METTL6: variants seen among roughly 807,000 people sequenced by gnomAD.
The protein encoded by METTL6 is methyltransferase 6, tRNA N3-cytidine.
A neutral mutation model predicts 26.4 loss-of-function variants in METTL6; 22 were observed. The observed-to-expected ratio is 0.83, with a 90% confidence interval of 0.59 to 1.19. METTL6 has a LOEUF of 1.19. Ranked by LOEUF, METTL6 falls within the 50% of genes most tolerant of loss-of-function variation. The pLI is 0.00. For synonymous variants in METTL6, 109 were observed against 116.2 expected (o/e 0.94, Z 0.40); for missense variants, 304 against 324.8 (o/e 0.94, Z 0.49).
downstream of METTL6, among the ~76,000 whole-genome samples, chr3:15,406,396 G>A (rs1223204096): frequency 6.6e-6 from 1 of 151,478 alleles, no homozygotes; most frequent in African/African-American, 2.4e-5. Context: ...TGAGACTGAA[G>A]CCATTTTTAG....
intron 3 of METTL6, among the ~76,000 whole-genome samples, chr3:15,422,695 A>T (rs2061634769): frequency 6.6e-6 from 1 of 152,190 alleles, no homozygotes; most frequent in Non-Finnish European, 1.5e-5. Context: ...GAATGCTAAA[A>T]CTGTGAAAGG....
At chr3:15,424,929 G>A in intron 3 of METTL6, 26 bp downstream of exon 3, 1 of 1,612,660 alleles carries the variant, frequency 6.2e-7, no homozygotes, top group Non-Finnish European at 8.5e-7. Context: ...CAGAAACACA[G>A]CAGAATACAT....
In METTL6 at chr3:15,410,782, C is replaced by T. The variant is rs1284490607; in HGVS notation, c.*474G>A. On this transcript the variant is annotated 3_prime_UTR_variant, in exon 6 of 6. Coordinates refer to ENST00000383790, the MANE Select transcript of METTL6 (RefSeq NM_152396.4). ...TACTCAGGAGGCTGAGGCAGGAAGA[C>T]TGCTTGAGCCCAGGGGAGGTCGAGG... is the stretch of plus-strand genomic sequence containing the variant. 6.6e-6 allele frequency among the ~76,000 whole-genome samples: 1 copy of T among 152,150 alleles called. No homozygotes were observed. Among genetic ancestry groups the T allele is most frequent in the East Asian group, 1.9e-4 (1 of 5,182 alleles).
chr3:15,402,346 A>T (rs1699669905), intron 6 of METTL6, among the ~76,000 whole-genome samples: 1 of 152,110 alleles, frequency 6.6e-6, no homozygotes, highest in Non-Finnish European at 1.5e-5. Context: ...CAGAGATGAG[A>T]TCTTATGGAG....
At chr3:15,411,500 T>C (rs1699962897) in intron 5 of METTL6, 63 bp from the exon 6 acceptor site, 2 of 1,497,658 alleles carry the variant, frequency 1.3e-6, no homozygotes, top group African/African-American at 1.4e-5. Context: ...TTTGCAGTCC[T>C]TGAGGAGGGA....
chr3:15,422,763 T>C (rs1006281829), intron 3 of METTL6, among the ~76,000 whole-genome samples: 1 of 152,186 alleles, frequency 6.6e-6, no homozygotes, highest in African/African-American at 2.4e-5. Flanking sequence ...TATTGGTTAA[T>C]GGCAAAGGGA....
chr3:15,384,500 G>A (rs114828888), intron 6 of METTL6: 1 of 164,450 alleles, frequency 6.1e-6, no homozygotes, highest in African/African-American at 2.4e-5. Flanking sequence ...CAGCACTTTG[G>A]GGGGCCGAGG....
intron 3 of METTL6, among the ~76,000 whole-genome samples, chr3:15,417,884 G>A (rs1443230711): frequency 6.6e-6 from 1 of 152,030 alleles, no homozygotes; most frequent in African/African-American, 2.4e-5. Context: ...CCCCACCATC[G>A]AATCTCCAAG....
chr3:15,392,434 C>T (rs1185489704), intron 6 of METTL6, among the ~76,000 whole-genome samples: 1 of 152,104 alleles, frequency 6.6e-6, no homozygotes, highest in East Asian at 1.9e-4. Flanking sequence ...AATTTTCTCC[C>T]ATTCTGTAGG....
intron 6 of METTL6, among the ~76,000 whole-genome samples, chr3:15,403,850 AAAC>A (rs1699712834): frequency 6.6e-6 from 1 of 152,126 alleles, no homozygotes; most frequent in South Asian, 2.1e-4. Context: ...ATTATATGCT[AAAC>A]AAGGGGTGGA....
At chr3:15,416,773 T>C (rs1040817394) in intron 3 of METTL6, among the ~76,000 whole-genome samples, 1 of 152,180 alleles carries the variant, frequency 6.6e-6, no homozygotes, top group African/African-American at 2.4e-5. Flanking sequence ...AGGAGTATTA[T>C]GAAGAAAAAC....
intron 3 of METTL6, among the ~76,000 whole-genome samples, chr3:15,419,490 G>A (rs2061561445): frequency 1.3e-5 from 2 of 152,020 alleles, no homozygotes; most frequent in African/African-American, 4.8e-5. Context: ...CCTTCCACAA[G>A]GCCTTCAACC....
At chr3:15,400,670 C>A (rs1699615353) in intron 6 of METTL6, among the ~76,000 whole-genome samples, 1 of 151,986 alleles carries the variant, frequency 6.6e-6, no homozygotes, top group Admixed American at 6.6e-5. Flanking sequence ...GCTAGACTAC[C>A]TTTTTTTGGT....
downstream of METTL6, among the ~76,000 whole-genome samples, chr3:15,407,659 A>T (rs1335254117): frequency 6.6e-6 from 1 of 152,226 alleles, no homozygotes; most frequent in Non-Finnish European, 1.5e-5. Flanking sequence ...CCGAAGGACC[A>T]ACAGCCCGTT....
exon 7 of METTL6, chr3:15,382,574 G>A (rs898263418): frequency 6.6e-6 from 1 of 151,134 alleles, no homozygotes; most frequent in Non-Finnish European, 1.5e-5. Context: ...GCTGAGGTAG[G>A]AGGATTGCTT....
intron 6 of METTL6, chr3:15,399,514 A>C (rs910932858): frequency 1.7e-4 from 25 of 151,202 alleles, no homozygotes; most frequent in African/African-American, 6.1e-4. Flanking sequence ...TCACAGAAAG[A>C]AAAAGAGAGA....
rs747049137 is a variant in METTL6, at chr3:15,426,485, C to T, written c.27G>A (p.Leu9=). Residue 9 remains leucine (L), a synonymous_variant, in exon 2 of 6, where the codon CTG becomes CTA. Transcript: ENST00000383790. MASLQRKG[L]QARILTSEEE... is the part of the protein sequence containing the mutation. ...CTTCAGAGGTGAGAATCCTTGCCTGCAGCCCTTTCCTTTGCAAAGAAGCCA... is the reference window on the plus strand; with the variant it reads ...CTTCAGAGGTGAGAATCCTTGCCTGTAGCCCTTTCCTTTGCAAAGAAGCCA... The T allele has an allele frequency of 7.4e-6, 12 of 1,613,932 alleles. No homozygotes were observed. In the South Asian group the frequency reaches 1.3e-4, roughly 18 times the overall value.
intron 6 of METTL6, among the ~76,000 whole-genome samples, chr3:15,398,189 A>G (rs111477481): frequency 0.03 from 4,493 of 148,714 alleles, 95 homozygotes; most frequent in South Asian, 0.1. Context: ...CTCCACTGCA[A>G]TGCTGAGATT....
chr3:15,394,229 A>G (rs1400240910), intron 6 of METTL6, among the ~76,000 whole-genome samples: 1 of 151,958 alleles, frequency 6.6e-6, no homozygotes, highest in Non-Finnish European at 1.5e-5. Flanking sequence ...GTCTTGGGAG[A>G]GTGTATGTGT....
Sources: allele counts gnomAD v4.1 joint callset (sites outside exome capture counted in the v4.1 genomes callset), GRCh38; gene constraint gnomAD v4.1.1; transcripts MANE v1.5; gene names NCBI Gene and HGNC (gene_info 2026-07-23, HGNC 2026-07-21).